SLC26A7: variants seen among roughly 807,000 people sequenced by gnomAD.
SLC26A7 encodes the protein solute carrier family 26 member 7.
A neutral mutation model predicts 82.5 loss-of-function variants in SLC26A7; 59 were observed. That is an observed-to-expected ratio of 0.72 (90% CI 0.58 to 0.89). The LOEUF (loss-of-function observed/expected upper bound fraction) is 0.89. SLC26A7 is among the 40% of genes least tolerant of loss of function. The pLI is 0.00. For missense variants in SLC26A7, 820 were observed against 793.0 expected, an observed-to-expected ratio of 1.03 and a Z score of -0.41; for synonymous variants, 271 against 274.3, an observed-to-expected ratio of 0.99 and a Z score of 0.12.
At chr8:91,248,792 C>A (rs1328245284), upstream of SLC26A7, among the ~76,000 whole-genome samples, 9 of 152,046 alleles carry the variant, frequency 5.9e-5, no homozygotes, top group African/African-American at 1.9e-4. Context: ...CTTAGAGAAA[C>A]CATCAGAGAA....
chr8:91,240,766 A>C (rs1475920059), intron 2 of SLC26A7, among the ~76,000 whole-genome samples: 1 of 152,128 alleles, frequency 6.6e-6, no homozygotes, highest in Non-Finnish European at 1.5e-5. Context: ...ACAAAAGAAA[A>C]ATATATTCCC....
chr8:91,357,059 CA>C (rs1813890928), intron 11 of SLC26A7, among the ~76,000 whole-genome samples: 1 of 152,162 alleles, frequency 6.6e-6, no homozygotes, highest in South Asian at 2.1e-4. Context: ...CTTAGGAGGT[CA>C]GATTGTAAGT....
chr8:91,263,848 T>C (rs1811037327), intron 2 of SLC26A7, among the ~76,000 whole-genome samples: 1 of 152,050 alleles, frequency 6.6e-6, no homozygotes, highest in African/African-American at 2.4e-5. Flanking sequence ...AGGGATAATA[T>C]CGTGTCTACT....
At chr8:91,217,175 G>A (rs145591297) in intron 1 of SLC26A7, among the ~76,000 whole-genome samples, 1 of 152,198 alleles carries the variant, frequency 6.6e-6, no homozygotes, top group East Asian at 1.9e-4. Context: ...ATTGTTTGCT[G>A]TATATCTTTG....
chr8:91,391,802 A>AT (rs35320444), intron 16 of SLC26A7, among the ~76,000 whole-genome samples: 11,807 of 145,464 alleles, frequency 0.081, 470 homozygotes, highest in African/African-American at 0.11. Context: ...AAACACTAGG[A>AT]TTTTTTTTTT....
At chr8:91,374,099 A>T (rs1814440751) in intron 15 of SLC26A7, among the ~76,000 whole-genome samples, 1 of 151,752 alleles carries the variant, frequency 6.6e-6, no homozygotes, top group Admixed American at 6.6e-5. Flanking sequence ...CATTGTGCTT[A>T]TTTGAATCTT....
chr8:91,251,704 G>T (rs1232986085), intron 2 of SLC26A7, among the ~76,000 whole-genome samples: 1 of 151,924 alleles, frequency 6.6e-6, no homozygotes, highest in Admixed American at 6.6e-5. Context: ...GAAAATGGAG[G>T]TTTAGAAGAG....
intron 9 of SLC26A7, among the ~76,000 whole-genome samples, chr8:91,345,603 T>C (rs1190546567): frequency 6.6e-6 from 1 of 152,202 alleles, no homozygotes; most frequent in African/African-American, 2.4e-5. Context: ...TATTTTAACA[T>C]TTAATATTAA....
chr8:91,298,646 A>G (rs1277908106), intron 4 of SLC26A7, among the ~76,000 whole-genome samples: 1 of 152,188 alleles, frequency 6.6e-6, no homozygotes, highest in African/African-American at 2.4e-5. Flanking sequence ...ACCAAGAAAC[A>G]TAATGCTAGG....
At chr8:91,384,633 T>A (rs1355630454) in intron 15 of SLC26A7, among the ~76,000 whole-genome samples, 1 of 152,106 alleles carries the variant, frequency 6.6e-6, no homozygotes, top group Non-Finnish European at 1.5e-5. Context: ...TTCAACTGAC[T>A]AGTTTCCCTA....
At chr8:91,289,919 A>C (rs80263397) in intron 3 of SLC26A7, among the ~76,000 whole-genome samples, 2 of 152,252 alleles carry the variant, frequency 1.3e-5, no homozygotes, top group African/African-American at 2.4e-5. Context: ...ACCTGGGTGC[A>C]TATCTTATTT....
Position 91,362,383 on chromosome 8 carries a change from A to T in SLC26A7, c.1345A>T (p.Ile449Leu). 6.2e-7 allele frequency: 1 copy of T among 1,613,268 alleles called. No homozygotes were observed. The highest frequency in any genetic ancestry group is 2.2e-5 in the East Asian group (1 of 44,846). The change falls in exon 12 of 19, where the codon ATA becomes TTA. Residue 449 changes from isoleucine (I) to leucine (L), a missense_variant. Transcript: ENST00000276609. ...GIWVSTYVFT[I>L]CFAANVGLLF... ...ATGGGTCAGTACATATGTATTTACA[A>T]TATGCTTTGCTGCCAATGTGGGACT...
chr8:91,358,323 C>A (rs932079496), intron 11 of SLC26A7, among the ~76,000 whole-genome samples: 1 of 144,676 alleles, frequency 6.9e-6, no homozygotes, highest in East Asian at 2.0e-4. Flanking sequence ...ATGTTTTTTT[C>A]TTTTTCTTTT....
At position 91,366,819 on chromosome 8, in the gene SLC26A7, C is replaced by A. The variant is rs1452776913; in HGVS notation, c.1626+102C>A. 17 of 1,302,050 alleles carry A rather than the reference C, an allele frequency of 1.3e-5. No homozygotes were observed. In the South Asian group the frequency reaches 2.5e-4, roughly 19 times the overall value. The allele number at this position is 1,302,050 out of a possible 1,614,324, so 80.7% of individuals were successfully genotyped here. A position where few individuals can be genotyped will look rare whatever the true frequency, so the allele number is the denominator to read the frequency against. ...ATAATAATACATCACACGAGTATTT[C>A]GAGACCTCTCCCTTCAGCAAAACCT... On this transcript the variant is annotated intron_variant, in intron 14 of 18. Coordinates refer to ENST00000276609, the MANE Select transcript of SLC26A7 (RefSeq NM_052832.4).
Position 91,351,850 on chromosome 8 carries a change from T to A in SLC26A7, c.1181T>A (p.Ile394Asn). The change falls in exon 10 of 19, where the codon ATC (isoleucine) becomes AAC (asparagine). Residue 394 changes from isoleucine to asparagine, a missense_variant. Transcript: ENST00000276609. ...TCTTGCATTTTCGTCCTTATAGTCA[T>A]CTATGCAATAGGACCTTTGCTTTAC... ...LISCIFVLIVIYAIGPLLYWL... is the reference protein window; with the variant it reads ...LISCIFVLIVNYAIGPLLYWL... 6 of 1,612,764 alleles carry A rather than the reference T, an allele frequency of 3.7e-6. No homozygotes were observed. Among genetic ancestry groups the A allele is most frequent in the Non-Finnish European group, 5.1e-6 (6 of 1,178,980 alleles).
intron 9 of SLC26A7, 62 bp downstream of exon 9, chr8:91,343,528 TGG>T: frequency 8.8e-7 from 1 of 1,134,184 alleles, no homozygotes; most frequent in Non-Finnish European, 1.3e-6. Context: ...TCTAGGAGAG[TGG>T]GAAGAGCTAG....
intron 3 of SLC26A7, among the ~76,000 whole-genome samples, chr8:91,292,174 G>A (rs904012838): frequency 7.2e-5 from 11 of 152,002 alleles, no homozygotes; most frequent in Admixed American, 6.5e-5. Flanking sequence ...ACGTGGTGGC[G>A]GGCACCTGTA....
At chr8:91,255,641 C>T (rs1435321363) in intron 2 of SLC26A7, among the ~76,000 whole-genome samples, 4 of 152,116 alleles carry the variant, frequency 2.6e-5, no homozygotes, top group East Asian at 3.9e-4. Flanking sequence ...CCTGTCTTTT[C>T]CTTCTCTATT....
Position 91,213,295 on chromosome 8 carries a change from T to A in SLC26A7, c.-150+3753T>A, listed in dbSNP as rs75968626. Among the ~76,000 whole-genome samples, 1,288 of 152,242 alleles carry A rather than the reference T, an allele frequency of 8.5e-3. 23 individuals carry two copies. The highest frequency in any genetic ancestry group is 0.03 in the African/African-American group (1,251 of 41,544). On this transcript the variant is annotated intron_variant, in intron 1 of 5. Transcript: ENST00000522862. Reference sequence around the variant, plus strand: ...AAGGGTGGAATGACCATATAATGTGTCGTCTAAGCCAAGATGCTTTTGAGA... The same window carrying A: ...AAGGGTGGAATGACCATATAATGTGACGTCTAAGCCAAGATGCTTTTGAGA...
Sources: gnomAD v4.1 joint callset for allele counts (sites outside exome capture counted in the v4.1 genomes callset) on GRCh38, gnomAD v4.1.1 for gene constraint, MANE v1.5 for transcripts, NCBI Gene and HGNC (gene_info 2026-07-23, HGNC 2026-07-21) for gene names.